WDR27: variants seen among roughly 807,000 people sequenced by gnomAD.
WDR27 encodes WD repeat-containing protein 27.
WDR27 carries 100 observed loss-of-function variants against 114.4 expected under a neutral mutation model. The ratio of observed to expected loss-of-function variants is 0.87; its 90% CI spans 0.74 to 1.03. The LOEUF is 1.03. Among genes scored for constraint, WDR27 ranks in the 50% least tolerant of loss-of-function variants. The probability of loss-of-function intolerance (pLI) is 0.00; values close to 1 mark genes in which losing one functional copy is unlikely to be tolerated. For missense variants in WDR27, 1,129 were observed against 1,092.9 expected (o/e 1.03, Z -0.47); for synonymous variants, 449 against 423.1 (o/e 1.06, Z -0.75).
At chr6:169,427,541 G>C in the WDR27 span, among the ~76,000 whole-genome samples, 1 of 152,164 alleles carries the variant, frequency 6.6e-6, no homozygotes, top group African/African-American at 2.4e-5. Context: ...GGGCTGGGAA[G>C]ACAGTGTGCA....
chr6:169,437,671 C>T, the WDR27 span, among the ~76,000 whole-genome samples: 1 of 151,922 alleles, frequency 6.6e-6, no homozygotes, highest in East Asian at 1.9e-4. Context: ...AACTATAGTT[C>T]CTCAACTATA....
At chr6:169,658,976 C>T (rs1825148979) in intron 12 of WDR27, 110 bp downstream of exon 12, 5 of 1,413,342 alleles carry the variant, frequency 3.5e-6, no homozygotes, top group African/African-American at 1.4e-5. Flanking sequence ...CGTGAGCCAC[C>T]GCGCCCGGCC....
At chr6:169,645,282 C>T in intron 16 of WDR27, among the ~76,000 whole-genome samples, 1 of 151,592 alleles carries the variant, frequency 6.6e-6, no homozygotes, top group East Asian at 1.9e-4. Flanking sequence ...TGTAGAAAAG[C>T]CTAGTTCACC....
At chr6:169,629,828 G>A (rs1328402590) in intron 21 of WDR27, among the ~76,000 whole-genome samples, 2 of 150,928 alleles carry the variant, frequency 1.3e-5, no homozygotes, top group Non-Finnish European at 2.9e-5. Context: ...TCGGGAGGCT[G>A]AGGCAGGAGT....
chr6:169,639,474 TG>T (rs1338340975), intron 17 of WDR27, among the ~76,000 whole-genome samples: 1 of 147,304 alleles, frequency 6.8e-6, no homozygotes, highest in African/African-American at 2.6e-5. Flanking sequence ...AAGAAAAAAG[TG>T]AAAAAAAAAA....
chr6:169,438,402 T>G, the WDR27 span, among the ~76,000 whole-genome samples: 1 of 151,982 alleles, frequency 6.6e-6, no homozygotes, highest in Admixed American at 6.6e-5. Context: ...CACACCCGGC[T>G]AATTTTTTGT....
In WDR27 at chr6:169,675,176, C is replaced by T. The variant is rs542161892; in HGVS notation, c.190-2780G>A. ...GTTGAGATGTAATCCCCAGTGTTGG[C>T]GGTAGGGCCTGCTGGGAGGTGTATG... On this transcript the variant is annotated intron_variant, in intron 2 of 25. Transcript: ENST00000448612. Among the ~76,000 whole-genome samples, 5 of 152,214 alleles carry T rather than the reference C, an allele frequency of 3.3e-5. No homozygotes were observed. In the East Asian group the frequency reaches 5.8e-4, roughly 18 times the overall value.
Position 169,659,363 on chromosome 6 carries a change from C to T in WDR27, c.1197+88G>A, listed in dbSNP as rs1369974870. 1.3e-6 allele frequency: 2 copies of T among 1,581,654 alleles called. No individual in the cohort carries two copies. The highest frequency in any genetic ancestry group is 1.7e-6 in the Non-Finnish European group (2 of 1,157,788). ...GTTTTTACACACAAAATCCCGTTTA[C>T]TCAGCCAGTCGTTACAGGATCACTC... On this transcript the variant is annotated intron_variant, in intron 11 of 25. Transcript: ENST00000448612. This position sits in a 1 kb window ranked among gnomAD's most constrained non-coding sequence, Gnocchi z 4.3.
chr6:169,676,801 C>T (rs1478677400), intron 2 of WDR27, among the ~76,000 whole-genome samples: 1 of 152,162 alleles, frequency 6.6e-6, no homozygotes, highest in Non-Finnish European at 1.5e-5. Context: ...AACTGTCCCA[C>T]CTTTCTGGAC....
intron 2 of WDR27, among the ~76,000 whole-genome samples, chr6:169,676,720 C>CTT (rs1452669464): frequency 6.6e-6 from 1 of 152,224 alleles, no homozygotes; most frequent in Non-Finnish European, 1.5e-5. Context: ...TAGACAATAA[C>CTT]TTAACACTTT....
At chr6:169,653,836 G>T (rs1307744391) in intron 13 of WDR27, among the ~76,000 whole-genome samples, 12 of 152,214 alleles carry the variant, frequency 7.9e-5, no homozygotes, top group Non-Finnish European at 1.2e-4. Context: ...AGGGCAGAAA[G>T]GCCAAGTCCC....
the WDR27 span, among the ~76,000 whole-genome samples, chr6:169,443,413 A>G: frequency 8.3e-6 from 1 of 120,376 alleles, no homozygotes; most frequent in East Asian, 4.0e-4. Context: ...ATTTTAAAAT[A>G]CTACTTTACA....
In WDR27 at chr6:169,664,150, G is replaced by C. The variant is rs1827122855; in HGVS notation, c.904+16C>G. On this transcript the variant is annotated intron_variant, in intron 8 of 25. Coordinates refer to ENST00000448612, the MANE Select transcript of WDR27 (RefSeq NM_182552.5). Reference sequence around the variant, plus strand: ...GGGCCAAGTGGGAGGCCTGAGGGAGGGTCTGAGCAACCCACCTGGCTGGCT... The same window carrying C: ...GGGCCAAGTGGGAGGCCTGAGGGAGCGTCTGAGCAACCCACCTGGCTGGCT... 1.9e-6 allele frequency: 3 copies of C among 1,570,674 alleles called. No homozygotes were observed. The highest frequency in any genetic ancestry group is 2.6e-6 in the Non-Finnish European group (3 of 1,158,588).
intron 23 of WDR27, among the ~76,000 whole-genome samples, chr6:169,598,789 C>T (rs1163132273): frequency 6.6e-6 from 1 of 152,198 alleles, no homozygotes; most frequent in Non-Finnish European, 1.5e-5. Context: ...CCTGCTGATG[C>T]TTTCATCTCA....
At chr6:169,636,226 T>A (rs914178882) in intron 19 of WDR27, 145 bp downstream of exon 19, 14 of 975,488 alleles carry the variant, frequency 1.4e-5, no homozygotes, top group Non-Finnish European at 1.9e-5. Context: ...AGGATCTGGA[T>A]AATTCCCTCT....
intron 25 of WDR27, among the ~76,000 whole-genome samples, chr6:169,489,772 T>G (rs1242217390): frequency 6.6e-6 from 1 of 152,222 alleles, no homozygotes; most frequent in Admixed American, 6.5e-5. Flanking sequence ...TGGCCAAGGC[T>G]CAGCTCTCCA....
the WDR27 span, among the ~76,000 whole-genome samples, chr6:169,448,747 G>A: frequency 6.6e-6 from 1 of 152,174 alleles, no homozygotes; most frequent in Non-Finnish European, 1.5e-5. Flanking sequence ...CTACAGATGG[G>A]CTTGCAGTTT....
At chr6:169,428,897 G>A in the WDR27 span, among the ~76,000 whole-genome samples, 1 of 152,212 alleles carries the variant, frequency 6.6e-6, no homozygotes, top group Non-Finnish European at 1.5e-5. Flanking sequence ...GAGCTCAGAG[G>A]AGGATGCCTG....
At chr6:169,602,896 C>T (rs1808307957) in intron 22 of WDR27, among the ~76,000 whole-genome samples, 1 of 150,866 alleles carries the variant, frequency 6.6e-6, no homozygotes, top group African/African-American at 2.5e-5. Context: ...GGCTGGAGTG[C>T]AGTGGCATGA....
Sources: allele counts gnomAD v4.1 joint callset (sites outside exome capture counted in the v4.1 genomes callset), GRCh38; gene constraint gnomAD v4.1.1; non-coding constraint Gnocchi (gnomAD v3.1); transcripts MANE v1.5; gene names NCBI Gene and HGNC (gene_info 2026-07-23, HGNC 2026-07-21).